The following TAFA2 variants were observed in gnomAD, a reference collection of about 807,000 sequenced individuals.
TAFA2 encodes chemokine-like protein TAFA-2.
In TAFA2, 7 loss-of-function variants were observed where a neutral mutation model predicts 18.8. That is an observed-to-expected ratio of 0.37 (90% confidence interval 0.21 to 0.70). The LOEUF is 0.70. TAFA2 is among the 30% of genes least tolerant of loss of function. TAFA2 has a pLI of 0.53. For missense variants in TAFA2, 122 were observed against 158.1 expected (o/e 0.77, Z 1.23); for synonymous variants, 60 against 54.2 (o/e 1.11, Z -0.47).
intron 2 of TAFA2, among the ~76,000 whole-genome samples, chr12:61,798,315 G>A (rs997183730): frequency 6.6e-6 from 1 of 151,946 alleles, no homozygotes; most frequent in Non-Finnish European, 1.5e-5. Flanking sequence ...GGGCCACCTG[G>A]ACTTTATTTT....
At chr12:62,241,157 T>C (rs2062861258) in intron 1 of TAFA2, among the ~76,000 whole-genome samples, 1 of 152,176 alleles carries the variant, frequency 6.6e-6, no homozygotes, top group Non-Finnish European at 1.5e-5. Flanking sequence ...GTAGAACTCA[T>C]TTCTAGGCTC....
At chr12:61,769,314 A>G (rs1869925384) in intron 2 of TAFA2, among the ~76,000 whole-genome samples, 1 of 151,334 alleles carries the variant, frequency 6.6e-6, no homozygotes. Context: ...AGCTCTTCCT[A>G]CTGCCTGAGA....
intron 1 of TAFA2, among the ~76,000 whole-genome samples, chr12:62,015,397 C>T (rs1340194106): frequency 6.6e-6 from 1 of 152,152 alleles, no homozygotes; most frequent in Non-Finnish European, 1.5e-5. Context: ...TATCACCACA[C>T]TCATTTTTAG....
intron 1 of TAFA2, among the ~76,000 whole-genome samples, chr12:62,056,732 C>T (rs1882197123): frequency 6.9e-6 from 1 of 145,188 alleles, no homozygotes; most frequent in Non-Finnish European, 1.5e-5. Context: ...AGGGACATCA[C>T]CTATGTTTTG....
chr12:62,064,324 C>A (rs1298200804), intron 1 of TAFA2, among the ~76,000 whole-genome samples: 1 of 152,000 alleles, frequency 6.6e-6, no homozygotes, highest in Non-Finnish European at 1.5e-5. Context: ...TGTACATATA[C>A]ACAAAAAAGT....
At chr12:61,896,186 C>A (rs562040822) in intron 1 of TAFA2, among the ~76,000 whole-genome samples, 117 of 152,184 alleles carry the variant, frequency 7.7e-4, no homozygotes, top group Non-Finnish European at 1.3e-3. Flanking sequence ...ATTTTTGTTT[C>A]ATTTCTTTAT....
chr12:62,205,574 G>A (rs1435104485), intron 1 of TAFA2, among the ~76,000 whole-genome samples: 1 of 152,212 alleles, frequency 6.6e-6, no homozygotes, highest in Non-Finnish European at 1.5e-5. Context: ...AGGAGGGATG[G>A]GTCAGGGTCC....
intron 4 of TAFA2, among the ~76,000 whole-genome samples, chr12:61,721,564 T>C (rs1869898113): frequency 6.6e-6 from 1 of 152,204 alleles, no homozygotes; most frequent in Non-Finnish European, 1.5e-5. Context: ...TGCTCTCTAA[T>C]CATTATTAAT....
At chr12:61,883,358 T>C (rs1286535220) in intron 1 of TAFA2, among the ~76,000 whole-genome samples, 1 of 152,178 alleles carries the variant, frequency 6.6e-6, no homozygotes, top group African/African-American at 2.4e-5. Flanking sequence ...AATATAGTAA[T>C]TATTAGTCAC....
intron 1 of TAFA2, among the ~76,000 whole-genome samples, chr12:62,165,695 C>T (rs1001155222): frequency 6.6e-6 from 1 of 151,956 alleles, no homozygotes; most frequent in African/African-American, 2.4e-5. Flanking sequence ...GCCACAAATT[C>T]CATCATATCC....
At chr12:61,887,945 A>G (rs1172545350) in intron 1 of TAFA2, among the ~76,000 whole-genome samples, 1 of 152,102 alleles carries the variant, frequency 6.6e-6, no homozygotes, top group South Asian at 2.1e-4. Context: ...TTCTCAAAAG[A>G]AGACATTTAT....
chr12:61,713,450 C>T (rs1260055310), intron 4 of TAFA2, among the ~76,000 whole-genome samples: 6 of 152,116 alleles, frequency 3.9e-5, no homozygotes, highest in Admixed American at 2.0e-4. Flanking sequence ...TACTAACAGA[C>T]ATTCATGAAA....
At chr12:62,138,437 A>G (rs745921483) in intron 1 of TAFA2, among the ~76,000 whole-genome samples, 93 of 152,328 alleles carry the variant, frequency 6.1e-4, no homozygotes, top group Middle Eastern at 6.8e-3. Context: ...CCTCCTGTAG[A>G]ATATAAGTTT....
At chr12:61,850,089 A>G (rs1873579158) in intron 2 of TAFA2, among the ~76,000 whole-genome samples, 2 of 152,150 alleles carry the variant, frequency 1.3e-5, no homozygotes, top group Admixed American at 6.5e-5. Flanking sequence ...ATAAAAGGTG[A>G]AAAAATCTTA....
chr12:61,734,565 A>G (rs1236511308), intron 4 of TAFA2, among the ~76,000 whole-genome samples: 1 of 152,042 alleles, frequency 6.6e-6, no homozygotes, highest in East Asian at 1.9e-4. Context: ...AGAGAAAGGA[A>G]TGTATTAGGC....
chr12:62,083,166 C>G (rs1234660487), intron 1 of TAFA2, among the ~76,000 whole-genome samples: 1 of 151,246 alleles, frequency 6.6e-6, no homozygotes. Flanking sequence ...AAGCTGTTTT[C>G]GTTTTATTAA....
intron 1 of TAFA2, among the ~76,000 whole-genome samples, chr12:62,208,145 G>A (rs976800314): frequency 1.3e-5 from 2 of 151,978 alleles, no homozygotes; most frequent in Admixed American, 6.6e-5. Flanking sequence ...TTAGAGAAAC[G>A]GGCCTGCTTC....
At chr12:61,863,009 T>A (rs780348178) in intron 2 of TAFA2, among the ~76,000 whole-genome samples, 18 of 152,336 alleles carry the variant, frequency 1.2e-4, no homozygotes, top group African/African-American at 3.8e-4. Context: ...CAGGCCTTAA[T>A]GTAGCTACTC....
chr12:61,996,929 T>C (rs1880209869), intron 1 of TAFA2, among the ~76,000 whole-genome samples: 1 of 152,188 alleles, frequency 6.6e-6, no homozygotes, highest in Non-Finnish European at 1.5e-5. Flanking sequence ...AGTCTGCACA[T>C]TTGCCAAGCT....
Sources: allele counts gnomAD v4.1 joint callset (sites outside exome capture counted in the v4.1 genomes callset), GRCh38; gene constraint gnomAD v4.1.1; transcripts MANE v1.5; gene names NCBI Gene and HGNC (gene_info 2026-07-23, HGNC 2026-07-21).